The following PUM1 variants were observed in gnomAD, a reference collection of about 807,000 sequenced individuals.
PUM1 encodes the protein pumilio homolog 1.
A neutral mutation model predicts 131.8 loss-of-function variants in PUM1; 13 were observed. The observed-to-expected ratio is 0.10, with a 90% CI of 0.06 to 0.16. The LOEUF is 0.16. Among genes scored for constraint, PUM1 ranks in the 10% least tolerant of loss-of-function variants. The probability of loss-of-function intolerance (pLI) is 1.00; values close to 1 mark genes in which losing one functional copy is unlikely to be tolerated. For synonymous variants in PUM1, 509 were observed against 556.5 expected, an observed-to-expected ratio of 0.91 and a Z score of 1.20; for missense variants, 961 against 1,512.4, an observed-to-expected ratio of 0.64 and a Z score of 6.05.
rs1323830815 is a variant in PUM1, at chr1:31,055,169, T to C, written c.363+4035A>G. 21 of 351,592 alleles carry C rather than the reference T, an allele frequency of 6.0e-5. 1 individual carries two copies. Among genetic ancestry groups the C allele is most frequent in the South Asian group, 4.4e-4 (20 of 45,026 alleles). The allele number at this position is 351,592 out of a possible 1,614,324, so 21.8% of individuals were successfully genotyped here. A position where few individuals can be genotyped will look rare whatever the true frequency, so the allele number is the denominator to read the frequency against. On this transcript the variant is annotated intron_variant, in intron 2 of 21. Transcript: ENST00000426105. ...ACCTCCTATCCGTAACAGTGGCTAA[T>C]AAGGGCAGAGATTCTCCACCTAGAG...
intron 10 of PUM1, 93 bp downstream of exon 10, chr1:30,974,558 C>G (rs1256468981): frequency 8.8e-6 from 11 of 1,243,200 alleles, no homozygotes; most frequent in Admixed American, 5.3e-5. Flanking sequence ...TTCATGCATT[C>G]ACAGTGTTTT....
chr1:31,014,116 C>T (rs371018022), intron 3 of PUM1, among the ~76,000 whole-genome samples: 1 of 151,682 alleles, frequency 6.6e-6, no homozygotes, highest in Non-Finnish European at 1.5e-5. Context: ...GCCTGGAAAA[C>T]ATGTGACAGC....
At chr1:31,045,668 G>A (rs1643939848) in intron 2 of PUM1, among the ~76,000 whole-genome samples, 1 of 152,124 alleles carries the variant, frequency 6.6e-6, no homozygotes, top group Non-Finnish European at 1.5e-5. Context: ...CAGTTTTCCT[G>A]ATGAGACTCA....
intron 5 of PUM1, among the ~76,000 whole-genome samples, chr1:31,004,866 A>G (rs988390922): frequency 1.3e-5 from 2 of 152,238 alleles, no homozygotes; most frequent in Non-Finnish European, 2.9e-5. Context: ...AATTTGTGGG[A>G]AAGAAGGTGC....
At chr1:30,976,765 G>A (rs1326477903) in intron 9 of PUM1, among the ~76,000 whole-genome samples, 1 of 150,606 alleles carries the variant, frequency 6.6e-6, no homozygotes, top group Non-Finnish European at 1.5e-5. Context: ...ACTATAAGAA[G>A]AAAAGGGGTT....
At position 31,065,455 on chromosome 1, in the gene PUM1, T is replaced by C. The variant is rs564138384; in HGVS notation, c.-12+161A>G. Among the ~76,000 whole-genome samples the C allele has an allele frequency of 1.4e-4, 19 of 140,450 alleles. No homozygotes were observed. The East Asian group carries it at 3.1e-3, about 23-fold the overall frequency. The allele number at this position is 140,450 out of a possible 152,430, so 92.1% of individuals were successfully genotyped here. On this transcript the variant is annotated intron_variant, in intron 1 of 21. Coordinates refer to ENST00000426105, the MANE Select transcript of PUM1 (RefSeq NM_001020658.2). ...GGGCCTTGCTGCTGACTCCAAAACA[T>C]GTACGAGGAACAGCGAGTGAGAAGC...
intron 3 of PUM1, among the ~76,000 whole-genome samples, chr1:31,023,495 T>C (rs1264359839): frequency 6.6e-6 from 1 of 152,170 alleles, no homozygotes; most frequent in East Asian, 1.9e-4. Context: ...AATAGAAAGA[T>C]GTGGGAAAAA....
chr1:30,954,019 T>G, intron 14 of PUM1, 38 bp from the exon 15 acceptor site: 1 of 1,584,444 alleles, frequency 6.3e-7, no homozygotes, highest in Non-Finnish European at 8.6e-7. Context: ...AGACCACTCT[T>G]CAGCAACTTC....
intron 14 of PUM1, among the ~76,000 whole-genome samples, chr1:30,962,361 G>GT (rs1640449330): frequency 6.6e-6 from 1 of 152,130 alleles, no homozygotes; most frequent in African/African-American, 2.4e-5. Context: ...CATGAAAGTA[G>GT]TATTTCTGGC....
intron 2 of PUM1, among the ~76,000 whole-genome samples, chr1:31,046,691 C>T (rs899846438): frequency 1.5e-4 from 22 of 151,642 alleles, no homozygotes; most frequent in Non-Finnish European, 2.2e-4. Flanking sequence ...AGTCTGGTCT[C>T]GAACTCCTAA....
chr1:31,016,475 TTA>T (rs2124526150), intron 3 of PUM1, among the ~76,000 whole-genome samples: 1 of 152,302 alleles, frequency 6.6e-6, no homozygotes, highest in East Asian at 1.9e-4. Context: ...CGTTTTGCAT[TTA>T]TATATATGTA....
At chr1:30,985,326 A>C (rs1641507599) in intron 7 of PUM1, among the ~76,000 whole-genome samples, 3 of 152,144 alleles carry the variant, frequency 2.0e-5, no homozygotes, top group Admixed American at 1.3e-4. Context: ...GCAGACCAAA[A>C]GCAGAGGGCA....
At chr1:31,050,267 T>C (rs910674113) in intron 2 of PUM1, among the ~76,000 whole-genome samples, 1 of 152,046 alleles carries the variant, frequency 6.6e-6, no homozygotes, top group Non-Finnish European at 1.5e-5. Flanking sequence ...CGAGGACTGC[T>C]TGAGACCAGG....
intron 3 of PUM1, among the ~76,000 whole-genome samples, chr1:31,012,213 T>TA (rs11372153): frequency 0.67 from 98,370 of 147,408 alleles, 33,517 homozygotes; most frequent in East Asian, 0.86. Context: ...TTTTTTTCCT[T>TA]AAAAAAAAAA....
intron 2 of PUM1, among the ~76,000 whole-genome samples, chr1:31,038,984 A>ATATATTTTTTTTTTTTTTTT: frequency 1.6e-4 from 8 of 49,416 alleles, no homozygotes; most frequent in East Asian, 1.3e-3. Context: ...ATATATATAT[A>ATATATTTTTTTTTTTTTTTT]TTTTTTTTTT....
chr1:31,043,213 T>TC (rs1491356864), intron 2 of PUM1, among the ~76,000 whole-genome samples: 1 of 85,782 alleles, frequency 1.2e-5, no homozygotes. Flanking sequence ...GAACATTTCC[T>TC]TTTTTTTTGA....
chr1:31,017,601 G>T (rs904450160), intron 3 of PUM1, among the ~76,000 whole-genome samples: 5 of 151,300 alleles, frequency 3.3e-5, no homozygotes, highest in African/African-American at 1.2e-4. Flanking sequence ...TTCTTCCAAT[G>T]TGGTCCAGGG....
chr1:31,000,857 G>A (rs16834161), intron 5 of PUM1, among the ~76,000 whole-genome samples: 3,276 of 152,228 alleles, frequency 0.022, 100 homozygotes, highest in African/African-American at 0.071. Flanking sequence ...CAACAATGTC[G>A]AGCTCTACTG....
At chr1:31,000,659 ACAG>A (rs1198707865) in intron 5 of PUM1, among the ~76,000 whole-genome samples, 2 of 152,200 alleles carry the variant, frequency 1.3e-5, no homozygotes, top group Non-Finnish European at 2.9e-5. Flanking sequence ...AAAGCTTCAC[ACAG>A]CAGAAGTCAT....
Sources: gnomAD v4.1 joint callset for allele counts (sites outside exome capture counted in the v4.1 genomes callset) on GRCh38, gnomAD v4.1.1 for gene constraint, MANE v1.5 for transcripts, NCBI Gene and HGNC (gene_info 2026-07-23, HGNC 2026-07-21) for gene names.